PCSK5: variants seen among roughly 807,000 people sequenced by gnomAD.
The protein encoded by PCSK5 is prohormone convertase 5.
In PCSK5, 129 loss-of-function variants were observed where a neutral mutation model predicts 233.2. That is an observed-to-expected ratio of 0.55 (90% CI 0.48 to 0.64). PCSK5 has a LOEUF of 0.64. Among genes scored for constraint, PCSK5 ranks in the 30% least tolerant of loss-of-function variants. The pLI is 0.00. For synonymous variants in PCSK5, 825 were observed against 879.2 expected (o/e 0.94, Z 1.09); for missense variants, 2,076 against 2,430.1 (o/e 0.85, Z 3.06).
intron 2 of PCSK5, among the ~76,000 whole-genome samples, chr9:75,971,791 T>C (rs931201408): frequency 9.9e-5 from 15 of 151,920 alleles, no homozygotes; most frequent in Admixed American, 9.2e-4. Flanking sequence ...TTTTTTCTTG[T>C]AAATTTAAGT....
At chr9:76,270,829 G>T (rs1004270083) in intron 24 of PCSK5, among the ~76,000 whole-genome samples, 1 of 152,144 alleles carries the variant, frequency 6.6e-6, no homozygotes, top group Non-Finnish European at 1.5e-5. Context: ...TTAAATAAAG[G>T]TAATTCACAG....
intron 5 of PCSK5, among the ~76,000 whole-genome samples, chr9:76,041,877 A>G (rs1042172805): frequency 6.6e-6 from 1 of 151,436 alleles, no homozygotes; most frequent in South Asian, 2.1e-4. Context: ...TAATGTGTTC[A>G]CTGTCTTTTT....
Position 76,158,983 on chromosome 9 carries a change from G to A in PCSK5, c.1431G>A (p.Lys477=). 1 of 1,613,112 alleles carries A rather than the reference G, an allele frequency of 6.2e-7. No individual in the cohort carries two copies. The highest frequency in any genetic ancestry group is 8.5e-7 in the Non-Finnish European group (1 of 1,179,242). ...VCVESTDRQI[K]TIRPNSAVRS... ...AACTCTCCATCTCTCTCTGTTACAG[G>A]ACAATCCGCCCTAACAGTGCAGTGC... The change falls in exon 12 of 38, where the codon AAG becomes AAA. Residue 477 remains lysine (K), a splice_region_variant and synonymous_variant. Transcript: ENST00000674117.
intron 30 of PCSK5, among the ~76,000 whole-genome samples, chr9:76,320,587 T>C (rs563968192): frequency 3.6e-4 from 53 of 147,592 alleles, no homozygotes; most frequent in African/African-American, 1.2e-3. Flanking sequence ...AATTCTCCTG[T>C]CTCAGCCTCC....
At chr9:76,154,281 G>T (rs925393502) in intron 10 of PCSK5, among the ~76,000 whole-genome samples, 12 of 152,172 alleles carry the variant, frequency 7.9e-5, no homozygotes, top group Non-Finnish European at 1.6e-4. Context: ...TGTCTCTGGA[G>T]GGTAGAAATT....
At position 76,184,731 on chromosome 9, in the gene PCSK5, C is replaced by G. The variant is rs1170908919; in HGVS notation, c.2256C>G (p.Asn752Lys). 3 of 1,608,806 alleles carry G rather than the reference C, an allele frequency of 1.9e-6. No homozygotes were observed. Among genetic ancestry groups the G allele is most frequent in the Non-Finnish European group, 2.6e-6 (3 of 1,175,824 alleles). The change falls in exon 17 of 38, where the codon AAC becomes AAG. Residue 752 changes from asparagine (N) to lysine (K), a missense_variant. Asn to Lys is a moderately conservative substitution (Grantham distance 94). Coordinates refer to ENST00000674117, the MANE Select transcript of PCSK5 (RefSeq NM_001372043.1). The stretch of plus-strand genomic sequence containing the variant: ...GCAAGACATGTACTGAATTCCATAA[C>G]TGTACAGAATGTAGGGATGGGTTAA... ...ENCKTCTEFH[N>K]CTECRDGLSL... is the part of the protein sequence containing the mutation.
intron 28 of PCSK5, among the ~76,000 whole-genome samples, chr9:76,304,564 C>T (rs1828718353): frequency 6.6e-6 from 1 of 150,678 alleles, no homozygotes. Context: ...CGTATTATCT[C>T]ATTTAGTCTT....
At chr9:76,136,632 A>G (rs1007709129) in intron 10 of PCSK5, among the ~76,000 whole-genome samples, 3 of 152,104 alleles carry the variant, frequency 2.0e-5, no homozygotes, top group South Asian at 4.1e-4. Flanking sequence ...AGTAAAATAT[A>G]TGTATGAAAT....
chr9:75,912,290 G>T (rs1374381927), intron 1 of PCSK5, among the ~76,000 whole-genome samples: 1 of 152,184 alleles, frequency 6.6e-6, no homozygotes, highest in Non-Finnish European at 1.5e-5. Flanking sequence ...CCAGTGCAAA[G>T]GCCGTGGACA....
chr9:76,174,864 A>G (rs752437796), intron 13 of PCSK5, 122 bp from the exon 14 acceptor site: 6 of 782,474 alleles, frequency 7.7e-6, no homozygotes, highest in Non-Finnish European at 1.3e-5. Flanking sequence ...TGATGTAGTG[A>G]TTGATATCCA....
intron 2 of PCSK5, among the ~76,000 whole-genome samples, chr9:75,948,318 A>AC (rs1824677830): frequency 3.8e-5 from 1 of 26,248 alleles, no homozygotes; most frequent in Non-Finnish European, 8.0e-5. Flanking sequence ...TCGCCCCCCC[A>AC]CCCCCCGAAA....
intron 31 of PCSK5, 59 bp from the exon 32 acceptor site, chr9:76,322,989 GCAGA>G (rs1420886202): frequency 6.7e-6 from 6 of 899,440 alleles, no homozygotes; most frequent in Non-Finnish European, 1.0e-5. Flanking sequence ...CTAGCCTACT[GCAGA>G]CAATGAATTC....
intron 5 of PCSK5, among the ~76,000 whole-genome samples, chr9:76,067,318 A>G (rs1360993556): frequency 6.6e-6 from 1 of 152,218 alleles, no homozygotes; most frequent in Non-Finnish European, 1.5e-5. Context: ...AACAAGTAAA[A>G]TAAGTGTGGA....
intron 2 of PCSK5, among the ~76,000 whole-genome samples, chr9:75,977,117 A>G (rs553244552): frequency 6.6e-6 from 1 of 152,298 alleles, no homozygotes; most frequent in African/African-American, 2.4e-5. Flanking sequence ...TTCTAGAGTC[A>G]TATGTTTGTT....
intron 2 of PCSK5, among the ~76,000 whole-genome samples, chr9:75,982,581 C>T (rs1826326249): frequency 1.3e-5 from 2 of 152,196 alleles, no homozygotes; most frequent in Middle Eastern, 3.4e-3. Context: ...TGTTTAAGAA[C>T]CTGATTTACC....
At chr9:76,066,874 C>T (rs562023800) in intron 5 of PCSK5, among the ~76,000 whole-genome samples, 11 of 152,230 alleles carry the variant, frequency 7.2e-5, no homozygotes, top group African/African-American at 2.6e-4. Flanking sequence ...CACTGTTTTG[C>T]TAACTGTGCT....
chr9:76,268,066 C>T (rs929255417), intron 24 of PCSK5, among the ~76,000 whole-genome samples: 6 of 152,134 alleles, frequency 3.9e-5, no homozygotes, highest in Non-Finnish European at 7.4e-5. Context: ...CAGACTAAGA[C>T]ATCTGCCATT....
intron 20 of PCSK5, among the ~76,000 whole-genome samples, chr9:76,222,314 T>G (rs1825752645): frequency 6.6e-6 from 1 of 152,076 alleles, no homozygotes; most frequent in Non-Finnish European, 1.5e-5. Flanking sequence ...CACAAACTCT[T>G]TGTGTAGATA....
intron 22 of PCSK5, among the ~76,000 whole-genome samples, chr9:76,234,540 A>G (rs1826192045): frequency 1.3e-5 from 2 of 152,220 alleles, no homozygotes; most frequent in African/African-American, 4.8e-5. Flanking sequence ...CATTTGCAGG[A>G]GATCAGGAGA....
Sources: gnomAD v4.1 joint callset for allele counts (sites outside exome capture counted in the v4.1 genomes callset) on GRCh38, gnomAD v4.1.1 for gene constraint, MANE v1.5 for transcripts, NCBI Gene and HGNC (gene_info 2026-07-23, HGNC 2026-07-21) for gene names.